CHRM2: variants seen among roughly 807,000 people sequenced by gnomAD.
CHRM2 encodes muscarinic acetylcholine receptor M2.
In CHRM2, 8 loss-of-function variants were observed where a neutral mutation model predicts 25.0. That is an observed-to-expected ratio of 0.32 (90% confidence interval 0.19 to 0.58). CHRM2 has a LOEUF of 0.58. CHRM2 is among the 20% of genes least tolerant of loss of function. The probability of loss-of-function intolerance (pLI) is 0.88; values close to 1 mark genes in which losing one functional copy is unlikely to be tolerated. For missense variants in CHRM2, 440 were observed against 567.1 expected (o/e 0.78, Z 2.28); for synonymous variants, 202 against 205.7 (o/e 0.98, Z 0.15).
intron 2 of CHRM2, among the ~76,000 whole-genome samples, chr7:136,944,473 ATGTGTGTGTG>A (rs3068417): frequency 1.3e-5 from 2 of 151,338 alleles, no homozygotes; most frequent in South Asian, 4.2e-4. Context: ...GTATGTATGT[ATGTGTGTGTG>A]TGTGTACATG....
intron 2 of CHRM2, among the ~76,000 whole-genome samples, chr7:136,980,448 C>A (rs1191871682): frequency 6.6e-6 from 1 of 152,142 alleles, no homozygotes; most frequent in African/African-American, 2.4e-5. Context: ...TTTCTCTTGC[C>A]TGATTGCCCT....
chr7:136,941,539 A>G (rs1799772311), intron 2 of CHRM2, among the ~76,000 whole-genome samples: 1 of 152,194 alleles, frequency 6.6e-6, no homozygotes, highest in Non-Finnish European at 1.5e-5. Context: ...TGTTCTCCCC[A>G]CATGGGTTTC....
chr7:136,991,091 C>T (rs1398852276), intron 2 of CHRM2, among the ~76,000 whole-genome samples: 2 of 152,096 alleles, frequency 1.3e-5, no homozygotes, highest in East Asian at 1.9e-4. Context: ...CTTCTTTGCT[C>T]ATTGTCTTCA....
At chr7:136,991,003 A>C (rs1224989043) in intron 2 of CHRM2, among the ~76,000 whole-genome samples, 1 of 152,122 alleles carries the variant, frequency 6.6e-6, no homozygotes, top group Non-Finnish European at 1.5e-5. Context: ...ATGCTAATTT[A>C]CCATCTGTAT....
intron 2 of CHRM2, among the ~76,000 whole-genome samples, chr7:136,967,102 A>G (rs1801467055): frequency 6.6e-6 from 1 of 152,008 alleles, no homozygotes; most frequent in Non-Finnish European, 1.5e-5. Context: ...AATATAATAG[A>G]AGAATGTCAT....
intron 2 of CHRM2, among the ~76,000 whole-genome samples, chr7:136,875,203 C>CAT (rs943825324): frequency 1.3e-5 from 2 of 150,286 alleles, no homozygotes; most frequent in Non-Finnish European, 3.0e-5. Context: ...AATATATATA[C>CAT]ATATATACAT....
chr7:137,001,803 C>T (rs2131068385), intron 3 of CHRM2, among the ~76,000 whole-genome samples: 1 of 152,216 alleles, frequency 6.6e-6, no homozygotes, highest in South Asian at 2.1e-4. Context: ...AATAATATTT[C>T]CAGATAAATG....
At chr7:136,909,398 G>A (rs543874319) in intron 2 of CHRM2, among the ~76,000 whole-genome samples, 1 of 152,008 alleles carries the variant, frequency 6.6e-6, no homozygotes, top group African/African-American at 2.4e-5. Context: ...CATATGCCAG[G>A]TCTAAGGCTG....
At chr7:136,991,559 A>G (rs577246501) in intron 2 of CHRM2, among the ~76,000 whole-genome samples, 10 of 152,212 alleles carry the variant, frequency 6.6e-5, no homozygotes, top group Non-Finnish European at 1.3e-4. Context: ...TTTACAATAC[A>G]TTGTTGAGAT....
intron 2 of CHRM2, among the ~76,000 whole-genome samples, chr7:136,904,329 A>C (rs1362367368): frequency 6.6e-6 from 1 of 151,888 alleles, no homozygotes; most frequent in African/African-American, 2.4e-5. Context: ...ACATTTTTCT[A>C]AGTCACTTGC....
At position 136,984,567 on chromosome 7, in the gene CHRM2, G is replaced by A. The variant is rs546336179; in HGVS notation, c.-124-7620G>A. ...TTTGTGCTTGAAACCCAGAGCCCTT[G>A]TGGTGTAGGCACCCAAGGGAATCTC... On this transcript the variant is annotated intron_variant, in intron 2 of 3. Coordinates refer to ENST00000680005, the MANE Select transcript of CHRM2 (RefSeq NM_001006630.2). 1.3e-4 allele frequency among the ~76,000 whole-genome samples: 20 copies of A among 152,276 alleles called. No individual in the cohort carries two copies. In the South Asian group the frequency reaches 3.7e-3, roughly 28 times the overall value.
At chr7:136,906,459 C>T (rs1005609229) in intron 2 of CHRM2, among the ~76,000 whole-genome samples, 11 of 151,502 alleles carry the variant, frequency 7.3e-5, no homozygotes, top group African/African-American at 2.4e-4. Flanking sequence ...TTATTCCACA[C>T]ATTTGGTTTT....
rs1457690202 is a variant in CHRM2, at chr7:136,869,948, G to C, written c.-125+530G>C. 1 of 152,378 alleles carries C rather than the reference G, an allele frequency of 6.6e-6. No homozygotes were observed. The highest frequency in any genetic ancestry group is 1.5e-5 in the Non-Finnish European group (1 of 68,186). 9.4% of individuals were successfully genotyped at this position (152,378 alleles called of 1,614,324 possible). A position where few individuals can be genotyped will look rare whatever the true frequency, so the allele number is the denominator to read the frequency against. On this transcript the variant is annotated intron_variant, in intron 2 of 3. Coordinates refer to ENST00000680005, the MANE Select transcript of CHRM2 (RefSeq NM_001006630.2). The surrounding 1 kb of genome is among the most constrained non-coding windows in gnomAD (Gnocchi z 4.9). The stretch of plus-strand genomic sequence containing the variant: ...CGAGCTGTCCCCCGGCTCCGCTTTC[G>C]GAGCAGCCCTTGGGCGCTGGAGAGG...
chr7:137,012,952 T>C (rs1477835741), intron 3 of CHRM2, among the ~76,000 whole-genome samples: 1 of 151,958 alleles, frequency 6.6e-6, no homozygotes, highest in Non-Finnish European at 1.5e-5. Flanking sequence ...GGATGGAAAA[T>C]TGTTTTTCAC....
Position 136,997,050 on chromosome 7 carries a change from T to TC in CHRM2, c.-47+4791dup, listed in dbSNP as rs200861483. On this transcript the variant is annotated intron_variant, in intron 3 of 3. Coordinates refer to ENST00000680005, the MANE Select transcript of CHRM2 (RefSeq NM_001006630.2). ...GAGTAGTTGACAGCTTTTCTGATTCTCCCCCTCCAAGGACTACCAGCTGTA... is the reference window on the plus strand; with the variant it reads ...GAGTAGTTGACAGCTTTTCTGATTCTCCCCCCTCCAAGGACTACCAGCTGTA... Among the ~76,000 whole-genome samples the TC allele has an allele frequency of 4.6e-3, 694 of 152,078 alleles. 4 individuals carry two copies. Among genetic ancestry groups the TC allele is most frequent in the African/African-American group, 0.016 (643 of 41,374 alleles).
intron 2 of CHRM2, among the ~76,000 whole-genome samples, chr7:136,946,582 T>G (rs1185745191): frequency 1.3e-5 from 2 of 152,214 alleles, no homozygotes; most frequent in East Asian, 3.8e-4. Flanking sequence ...TTTTTGTTTT[T>G]GTGGGGGTTT....
chr7:137,013,820 G>A (rs117371850), intron 3 of CHRM2, among the ~76,000 whole-genome samples: 55 of 152,038 alleles, frequency 3.6e-4, no homozygotes, highest in African/African-American at 1.1e-3. Flanking sequence ...ATCATTGAAC[G>A]TCCAGAACAC....
Position 137,015,892 on chromosome 7 carries a change from ACC to A in CHRM2, c.1028_1029del (p.Thr343SerfsTer13). On this transcript the variant is annotated frameshift_variant, in exon 4 of 4. Coordinates refer to ENST00000680005, the MANE Select transcript of CHRM2 (RefSeq NM_001006630.2). LOFTEE classifies it high-confidence loss of function. The surrounding 1 kb of genome is among the most constrained non-coding windows in gnomAD (Gnocchi z 5.1). ...TGACTCATGTACCCCAACTAATACC[ACC>A]GTGGAGGTAGTGGGGTCTTCAGGTC... ...KSDSCTPTNT[T>X]VEVVGSSGQN... 1 of 1,613,102 alleles carries A rather than the reference ACC, an allele frequency of 6.2e-7. No homozygotes were observed. Among genetic ancestry groups the A allele is most frequent in the Non-Finnish European group, 8.5e-7 (1 of 1,179,444 alleles).
At chr7:136,892,837 T>C (rs1327990870) in intron 2 of CHRM2, among the ~76,000 whole-genome samples, 2 of 151,816 alleles carry the variant, frequency 1.3e-5, no homozygotes. Context: ...GCCTGGCTAA[T>C]TTTTGTATTT....
Sources: gnomAD v4.1 joint callset for allele counts (sites outside exome capture counted in the v4.1 genomes callset) on GRCh38, gnomAD v4.1.1 for gene constraint, Gnocchi (gnomAD v3.1) non-coding constraint, MANE v1.5 for transcripts, NCBI Gene and HGNC (gene_info 2026-07-23, HGNC 2026-07-21) for gene names.